The following CD34 variants were observed in gnomAD, a reference collection of about 807,000 sequenced individuals.
CD34 encodes CD34 molecule, also known as hematopoietic progenitor cell antigen CD34.
A neutral mutation model predicts 40.1 loss-of-function variants in CD34; 34 were observed. The observed-to-expected ratio is 0.85, with a 90% CI of 0.65 to 1.13. CD34 has a LOEUF of 1.13. Among genes scored for constraint, CD34 ranks in the 50% most tolerant of loss-of-function variants. CD34 has a pLI of 0.00. For missense variants in CD34, 426 were observed against 466.9 expected, an observed-to-expected ratio of 0.91 and a Z score of 0.81; for synonymous variants, 209 against 190.0, an observed-to-expected ratio of 1.10 and a Z score of -0.82.
chr1:207,888,901 G>C lies in CD34; in HGVS notation c.808-55C>G, dbSNP rs1661968287. The C allele has an allele frequency of 2.6e-6, 4 of 1,533,204 alleles. No individual in the cohort carries two copies. In the East Asian group the frequency reaches 9.0e-5, roughly 35 times the overall value. The allele number at this position is 1,533,204 out of a possible 1,614,324, so 95.0% of individuals were successfully genotyped here. A position where few individuals can be genotyped will look rare whatever the true frequency, so the allele number is the denominator to read the frequency against. The stretch of plus-strand genomic sequence containing the variant: ...TGTCACTTGCCAAAAGTGGAGCCCA[G>C]CCCGCTCCAGCCCTCTGTGTGTGAC... On this transcript the variant is annotated intron_variant, in intron 6 of 7. Transcript: ENST00000310833.
At chr1:207,895,018 A>C (rs1257811469) in intron 4 of CD34, among the ~76,000 whole-genome samples, 1 of 152,128 alleles carries the variant, frequency 6.6e-6, no homozygotes, top group Non-Finnish European at 1.5e-5. Context: ...TACATCAAGG[A>C]TGTGATGCTC....
At chr1:207,903,842 A>G (rs1662325623) in intron 1 of CD34, among the ~76,000 whole-genome samples, 1 of 152,228 alleles carries the variant, frequency 6.6e-6, no homozygotes, top group African/African-American at 2.4e-5. Flanking sequence ...AAGCAGACAT[A>G]AGTATGAAAA....
intron 6 of CD34, 71 bp downstream of exon 6, chr1:207,889,090 T>A (rs542752125): frequency 3.0e-6 from 3 of 1,008,706 alleles, no homozygotes; most frequent in South Asian, 1.3e-5. Flanking sequence ...AGATAATGAC[T>A]TCCCCCCTTA....
intron 1 of CD34, among the ~76,000 whole-genome samples, chr1:207,904,519 G>C (rs1360607232): frequency 6.6e-6 from 1 of 152,194 alleles, no homozygotes; most frequent in African/African-American, 2.4e-5. Flanking sequence ...CTTCAACTCT[G>C]TAAACCTCAC....
In CD34 at chr1:207,889,582, C is replaced by T. The variant is rs755383718; in HGVS notation, c.637G>A (p.Val213Met). The T allele has an allele frequency of 1.4e-5, 22 of 1,614,136 alleles. No individual in the cohort carries two copies. Among genetic ancestry groups the T allele is most frequent in the Non-Finnish European group, 1.9e-5 (22 of 1,180,004 alleles). The change falls in exon 5 of 8, where the codon GTG becomes ATG. Residue 213 changes from valine (V) to methionine (M), a missense_variant. Physicochemically the swap from Val to Met is conservative, Grantham distance 21. Transcript: ENST00000310833. ...TCAGCCTGCTCCTCCCCACACAGCA[C>T]TCGGGCCAGGCCCTCTCCCCTGTCC... is the stretch of plus-strand genomic sequence containing the variant. ...KKDRGEGLAR[V>M]LCGEEQADAD... is the part of the protein sequence containing the mutation.
chr1:207,889,892 A>G, intron 4 of CD34: 5 of 1,537,224 alleles, frequency 3.3e-6, no homozygotes, highest in Non-Finnish European at 3.5e-6. Context: ...GTCTCGTTGA[A>G]GCATTGCCCA....
At chr1:207,901,730 C>T (rs1263187974) in intron 1 of CD34, among the ~76,000 whole-genome samples, 1 of 152,186 alleles carries the variant, frequency 6.6e-6, no homozygotes, top group Non-Finnish European at 1.5e-5. Flanking sequence ...TGACTTACAA[C>T]CTTGAAATGT....
chr1:207,889,381 A>G, intron 5 of CD34, 84 bp downstream of exon 5: 1 of 1,536,310 alleles, frequency 6.5e-7, no homozygotes, highest in South Asian at 1.2e-5. Context: ...GTCTCTCTGG[A>G]TCTAAGATGC....
rs1386924437 is a variant in CD34 at position 207,887,125 on chromosome 1, G to C, written c.*613C>G. The stretch of plus-strand genomic sequence containing the variant: ...CAGCCAGAAAACTGTGCAGGACTCT[G>C]CAAATGGTAGAGGGGGCACATGGAG... On this transcript the variant is annotated 3_prime_UTR_variant, in exon 8 of 8. Transcript: ENST00000310833. The C allele has an allele frequency of 6.5e-6, 1 of 153,628 alleles. No individual in the cohort carries two copies. Among genetic ancestry groups the C allele is most frequent in the Non-Finnish European group, 1.5e-5 (1 of 68,856 alleles). 9.5% of individuals were successfully genotyped at this position (153,628 alleles called of 1,614,324 possible).
At chr1:207,905,702 C>T (rs748143908) in intron 1 of CD34, among the ~76,000 whole-genome samples, 2 of 152,196 alleles carry the variant, frequency 1.3e-5, no homozygotes, top group Non-Finnish European at 2.9e-5. Flanking sequence ...TGAGTGCCAA[C>T]ATGATGCCGC....
chr1:207,897,422 A>T, intron 4 of CD34, 71 bp downstream of exon 4: 2 of 1,129,498 alleles, frequency 1.8e-6, no homozygotes, highest in Non-Finnish European at 2.6e-6. Flanking sequence ...AAGAAGGTTT[A>T]AGGGTGTTCA....
rs550325982 is a variant in CD34, at chr1:207,885,285, G to A, written c.*2453C>T. On this transcript the variant is annotated 3_prime_UTR_variant, in exon 8 of 8. Coordinates refer to ENST00000310833, the MANE Select transcript of CD34 (RefSeq NM_001025109.2). Reference sequence around the variant, plus strand: ...GCTGTACCAGGACGCTCAGGCCCACGGTGGGAAAGTTGGATTTTTCCAGAA... The same window carrying A: ...GCTGTACCAGGACGCTCAGGCCCACAGTGGGAAAGTTGGATTTTTCCAGAA... The A allele has an allele frequency of 6.6e-6, 1 of 152,246 alleles. No individual in the cohort carries two copies. Among genetic ancestry groups the A allele is most frequent in the South Asian group, 2.1e-4 (1 of 4,812 alleles). 9.4% of individuals were successfully genotyped at this position (152,246 alleles called of 1,614,324 possible).
intron 1 of CD34, among the ~76,000 whole-genome samples, chr1:207,906,019 T>C (rs984620327): frequency 1.3e-5 from 2 of 152,190 alleles, no homozygotes; most frequent in Non-Finnish European, 2.9e-5. Flanking sequence ...GCAGTGCCAG[T>C]GATGTGCAAA....
chr1:207,896,915 A>T (rs1194308189), intron 4 of CD34, among the ~76,000 whole-genome samples: 5 of 152,192 alleles, frequency 3.3e-5, no homozygotes, highest in African/African-American at 1.2e-4. Context: ...AGTATGCCCT[A>T]AGACATATAA....
rs1021506377 is a variant in CD34 at position 207,903,138 on chromosome 1, G to A, written c.80-3135C>T. On this transcript the variant is annotated intron_variant, in intron 1 of 7. Transcript: ENST00000310833. ...GAGCCAATCCTGGCATAAACACTGCGGCACAGCAGGGAGAGTGCATCTTTT... is the reference window on the plus strand; with the variant it reads ...GAGCCAATCCTGGCATAAACACTGCAGCACAGCAGGGAGAGTGCATCTTTT... 2.6e-5 allele frequency among the ~76,000 whole-genome samples: 4 copies of A among 152,178 alleles called. No homozygotes were observed. The South Asian group carries it at 6.2e-4, about 24-fold the overall frequency.
At chr1:207,908,001 G>C (rs1662419369) in intron 1 of CD34, among the ~76,000 whole-genome samples, 1 of 152,142 alleles carries the variant, frequency 6.6e-6, no homozygotes, top group East Asian at 1.9e-4. Flanking sequence ...CCTGAGAGTG[G>C]AGTTGGGTAA....
chr1:207,903,021 A>G (rs1419513050), intron 1 of CD34, among the ~76,000 whole-genome samples: 1 of 152,150 alleles, frequency 6.6e-6, no homozygotes, highest in African/African-American at 2.4e-5. Context: ...CACCAGGGGG[A>G]CAGGACAAGT....
intron 4 of CD34, chr1:207,890,211 T>G (rs1220335680): frequency 2.0e-6 from 2 of 1,002,586 alleles, no homozygotes; most frequent in African/African-American, 3.5e-5. Flanking sequence ...TTTAATGAAG[T>G]TCATAGATTT....
At chr1:207,890,140 T>A in intron 4 of CD34, 1 of 1,061,746 alleles carries the variant, frequency 9.4e-7, no homozygotes, top group Admixed American at 5.4e-5. Context: ...TTGCTCAAAC[T>A]GAAATGGCAT....
Sources: gnomAD v4.1 joint callset for allele counts (sites outside exome capture counted in the v4.1 genomes callset) on GRCh38, gnomAD v4.1.1 for gene constraint, MANE v1.5 for transcripts, NCBI Gene and HGNC (gene_info 2026-07-23, HGNC 2026-07-21) for gene names.